Variants in LYST observed in about 807,000 individuals in gnomAD.
LYST encodes the protein lysosomal-trafficking regulator.
LYST carries 192 observed loss-of-function variants against 413.6 expected under a neutral mutation model. The ratio of observed to expected loss-of-function variants is 0.46; its 90% CI spans 0.41 to 0.52. The LOEUF (loss-of-function observed/expected upper bound fraction) is 0.52. Among genes scored for constraint, LYST ranks in the 20% least tolerant of loss-of-function variants. The probability of loss-of-function intolerance (pLI) is 0.00; values close to 1 mark genes in which losing one functional copy is unlikely to be tolerated. For synonymous variants in LYST, 1,525 were observed against 1,567.3 expected (o/e 0.97, Z 0.64); for missense variants, 3,815 against 4,499.9 (o/e 0.85, Z 4.35).
Position 235,787,261 on chromosome 1 carries a change from G to GT in LYST, c.4800dup (p.Gln1601ThrfsTer24). 1.2e-6 allele frequency: 2 copies of GT among 1,613,638 alleles called. No individual in the cohort carries two copies. Among genetic ancestry groups the GT allele is most frequent in the Non-Finnish European group, 1.7e-6 (2 of 1,179,642 alleles). On this transcript the variant is annotated frameshift_variant, in exon 14 of 53. Coordinates refer to ENST00000389793, the MANE Select transcript of LYST (RefSeq NM_000081.4). LOFTEE classifies it high-confidence loss of function. ...ATCCTCCTTTTCCCTTGGGGCTGCTGTAAGTAGGTGAGTACTAAATGTTGC... is the reference window on the plus strand; with the variant it reads ...ATCCTCCTTTTCCCTTGGGGCTGCTGTTAAGTAGGTGAGTACTAAATGTTGC...
intron 31 of LYST, chr1:235,738,499 C>A: frequency 6.2e-7 from 1 of 1,612,156 alleles, no homozygotes; most frequent in Non-Finnish European, 8.5e-7. Flanking sequence ...AATCTGGACT[C>A]AGCCCAATTC....
chr1:235,843,957 G>A (rs928620847), intron 1 of LYST, among the ~76,000 whole-genome samples: 2 of 152,140 alleles, frequency 1.3e-5, no homozygotes, highest in African/African-American at 2.4e-5. Context: ...TATTAGAGAA[G>A]TTGCCATTGG....
chr1:235,734,905 A>G, intron 31 of LYST: 2 of 304,458 alleles, frequency 6.6e-6, no homozygotes. Context: ...ACATTTAAAA[A>G]AAAGAATTTA....
chr1:235,736,819 A>AT (rs760722418), intron 31 of LYST: 1 of 149,940 alleles, frequency 6.7e-6, no homozygotes, highest in Non-Finnish European at 1.5e-5. Context: ...AAATACATGT[A>AT]TACATAGATT....
chr1:235,848,881 T>C (rs1157615613), intron 1 of LYST, among the ~76,000 whole-genome samples: 1 of 151,736 alleles, frequency 6.6e-6, no homozygotes, highest in African/African-American at 2.4e-5. Context: ...AATTTAATAA[T>C]TACCACTAAA....
At position 235,686,292 on chromosome 1, in the gene LYST, G is replaced by A. The variant is rs543840713; in HGVS notation, c.10800+657C>T. On this transcript the variant is annotated intron_variant, in intron 48 of 52. Transcript: ENST00000389793. The surrounding 1 kb of genome is among the most constrained non-coding windows in gnomAD (Gnocchi z 4.0). ...TGAGGCACGAGAATTGATTGAGCCC[G>A]GGAGGCAGAGGTTGCAGTGAGCTGA... 2.1e-4 allele frequency among the ~76,000 whole-genome samples: 32 copies of A among 152,260 alleles called. No homozygotes were observed. Among genetic ancestry groups the A allele is most frequent in the African/African-American group, 6.5e-4 (27 of 41,546 alleles).
chr1:235,765,159 G>A (rs1329867245), intron 21 of LYST, among the ~76,000 whole-genome samples: 1 of 151,998 alleles, frequency 6.6e-6, no homozygotes, highest in Non-Finnish European at 1.5e-5. Flanking sequence ...TTGCCTACTA[G>A]AAAATTATAT....
intron 43 of LYST, among the ~76,000 whole-genome samples, chr1:235,711,414 A>G (rs182750414): frequency 1.8e-4 from 28 of 152,336 alleles, no homozygotes; most frequent in Admixed American, 3.3e-4. Context: ...CAAAATTCCA[A>G]TGTAATTTGC....
chr1:235,806,334 G>A lies in LYST; in HGVS notation c.2802C>T (p.Ser934=), dbSNP rs770423357. 5.6e-6 allele frequency: 9 copies of A among 1,613,812 alleles called. No individual in the cohort carries two copies. Among genetic ancestry groups the A allele is most frequent in the South Asian group, 1.1e-5 (1 of 91,072 alleles). ...EDTSGYDSTA[S]EPLSHMLPCI... ...ATGGCAGCATATGACTTAAAGGCTC[G>A]CTGGCTGTGCTGTCATAGCCAGAAG... The change falls in exon 6 of 53, where the codon AGC becomes AGT. Residue 934 remains serine, a synonymous_variant. Transcript: ENST00000389793.
Position 235,731,087 on chromosome 1 carries a change from T to A in LYST, c.8892A>T (p.Arg2964Ser), listed in dbSNP as rs746834024. 1.2e-6 allele frequency: 2 copies of A among 1,613,808 alleles called. No individual in the cohort carries two copies. Among genetic ancestry groups the A allele is most frequent in the Non-Finnish European group, 1.7e-6 (2 of 1,179,686 alleles). Residue 2964 changes from arginine (R) to serine (S), a missense_variant, in exon 35 of 53, where the codon AGA (arginine) becomes AGT (serine). Arg to Ser is a moderately radical substitution (Grantham distance 110). This residue lies in a region of LYST where 866 missense variants were observed against 1,156.0 expected (regional missense o/e 0.75). Coordinates refer to ENST00000389793, the MANE Select transcript of LYST (RefSeq NM_000081.4). ...ACTTATTTGGAATAGTTAAATAACA[T>A]CTCTGTAAACGTCTCCTCTCTCGAT... The part of the protein sequence containing the change: ...GPNRERRRLQ[R>S]CYLTIPNKYL...
chr1:235,840,829 A>G (rs186337941), intron 1 of LYST, among the ~76,000 whole-genome samples: 3 of 152,352 alleles, frequency 2.0e-5, no homozygotes, highest in East Asian at 1.9e-4. Context: ...TTCTAAAGCA[A>G]CAGTAGAATA....
chr1:235,855,439 C>T (rs1679061405), intron 1 of LYST, among the ~76,000 whole-genome samples: 1 of 152,138 alleles, frequency 6.6e-6, no homozygotes, highest in East Asian at 1.9e-4. Context: ...CCTTAAAAAC[C>T]TTACCAAACA....
intron 31 of LYST, chr1:235,737,916 A>AAGATAACC: frequency 2.6e-6 from 3 of 1,163,406 alleles, no homozygotes; most frequent in East Asian, 4.2e-5. Context: ...GCTGCCGACG[A>AAGATAACC]GTCTGGATCT....
chr1:235,740,274 A>G (rs1014875717), intron 31 of LYST, among the ~76,000 whole-genome samples: 10 of 152,164 alleles, frequency 6.6e-5, no homozygotes, highest in Non-Finnish European at 1.2e-4. Context: ...ATTGAGGTAT[A>G]ACTTACATAT....
chr1:235,864,600 C>A (rs746595700), intron 1 of LYST, among the ~76,000 whole-genome samples: 4 of 152,208 alleles, frequency 2.6e-5, no homozygotes, highest in African/African-American at 4.8e-5. Context: ...ACAACAAAGT[C>A]TATTCTCCAT....
At position 235,801,037 on chromosome 1, in the gene LYST, A is replaced by C. The variant is rs1335038475; in HGVS notation, c.3773T>G (p.Leu1258Arg). The change falls in exon 9 of 53, where the codon CTC becomes CGC. Residue 1258 changes from leucine (L) to arginine (R), a missense_variant. Physicochemically the swap from Leu to Arg is moderately radical, Grantham distance 102. Around this residue, in one of 4 missense-constraint regions of LYST, gnomAD observed 1,648 missense variants for 1,810.3 expected, o/e 0.91. Transcript: ENST00000389793. ...TATTTCCCCTTGAGTGAGGTTTTCG[A>C]GTAAGTCATTTGGACTGCTTGATGC... Reference protein sequence around the residue: ...FSASSSPNDLLENLTQGEIIY... With the variant: ...FSASSSPNDLRENLTQGEIIY... 6.2e-7 allele frequency: 1 copy of C among 1,613,722 alleles called. No homozygotes were observed. The highest frequency in any genetic ancestry group is 2.2e-5 in the East Asian group (1 of 44,798).
chr1:235,764,624 C>G (rs1243117163), intron 21 of LYST, among the ~76,000 whole-genome samples: 3 of 151,524 alleles, frequency 2.0e-5, no homozygotes, highest in Non-Finnish European at 2.9e-5. Context: ...CTCAGCCTCC[C>G]AAGTAGCTGG....
At chr1:235,845,030 T>A (rs12038975) in intron 1 of LYST, among the ~76,000 whole-genome samples, 13 of 151,390 alleles carry the variant, frequency 8.6e-5, no homozygotes, top group Non-Finnish European at 1.6e-4. Flanking sequence ...CAGCATGTGG[T>A]GGCTTGCATT....
At chr1:235,763,700 C>A (rs957957190) in intron 21 of LYST, among the ~76,000 whole-genome samples, 2 of 151,910 alleles carry the variant, frequency 1.3e-5, no homozygotes, top group Non-Finnish European at 2.9e-5. Context: ...CTCAAGTGAT[C>A]CACCCACCTT....
Sources: gnomAD v4.1 joint callset for allele counts (sites outside exome capture counted in the v4.1 genomes callset) on GRCh38, gnomAD v4.1.1 for gene constraint, gnomAD v4.1.1 regional missense constraint, Gnocchi (gnomAD v3.1) non-coding constraint, MANE v1.5 for transcripts, NCBI Gene and HGNC (gene_info 2026-07-23, HGNC 2026-07-21) for gene names.